The following SPON1 variants were observed in gnomAD, a reference collection of about 807,000 sequenced individuals.
The protein encoded by SPON1 is spondin 1, also known as spondin-1.
Under a neutral mutation model 111.7 loss-of-function variants are expected in SPON1, and 52 were observed. The ratio of observed to expected loss-of-function variants is 0.47; its 90% CI spans 0.37 to 0.59. The LOEUF (loss-of-function observed/expected upper bound fraction) is 0.59. Among genes scored for constraint, SPON1 ranks in the 20% least tolerant of loss-of-function variants. SPON1 has a pLI of 0.00. For synonymous variants in SPON1, 410 were observed against 395.8 expected (o/e 1.04, Z -0.43); for missense variants, 957 against 1,068.5 (o/e 0.90, Z 1.46).
intron 2 of SPON1, among the ~76,000 whole-genome samples, chr11:14,039,143 G>A (rs1848615018): frequency 6.6e-6 from 1 of 152,156 alleles, no homozygotes; most frequent in Non-Finnish European, 1.5e-5. Context: ...TCAGGAAAAG[G>A]CAAAACTGTG....
intron 14 of SPON1, 79 bp downstream of exon 14, chr11:14,260,831 C>T (rs1849163420): frequency 2.8e-6 from 4 of 1,429,762 alleles, no homozygotes; most frequent in South Asian, 2.7e-5. Flanking sequence ...AGTGCTAATA[C>T]TGCTAGATCC....
chr11:14,109,547 G>T (rs1464336773), intron 5 of SPON1, among the ~76,000 whole-genome samples: 1 of 152,058 alleles, frequency 6.6e-6, no homozygotes. Context: ...TGCACATTTT[G>T]TGCACAGAGT....
intron 6 of SPON1, among the ~76,000 whole-genome samples, chr11:14,154,449 G>C (rs1554930180): frequency 6.6e-6 from 1 of 152,184 alleles, no homozygotes; most frequent in African/African-American, 2.4e-5. Context: ...ACATATCTTG[G>C]CCCCGCTTAG....
chr11:14,119,920 T>C (rs1032701844), intron 5 of SPON1, among the ~76,000 whole-genome samples: 34 of 152,190 alleles, frequency 2.2e-4, no homozygotes, highest in African/African-American at 7.7e-4. Flanking sequence ...AAATAAAATT[T>C]AAAATTTATC....
chr11:13,964,952 A>G (rs1554907900), intron 1 of SPON1, among the ~76,000 whole-genome samples: 2 of 150,120 alleles, frequency 1.3e-5, no homozygotes, highest in African/African-American at 4.9e-5. Flanking sequence ...TGTGCAAGTC[A>G]TTTAATTTCT....
chr11:14,057,589 A>G (rs915738615), intron 3 of SPON1, among the ~76,000 whole-genome samples: 2 of 152,206 alleles, frequency 1.3e-5, no homozygotes, highest in Non-Finnish European at 2.9e-5. Context: ...CAAAAAAAGT[A>G]CTTGAGCTGA....
intron 6 of SPON1, among the ~76,000 whole-genome samples, chr11:14,215,749 G>A (rs1200799988): frequency 2.0e-5 from 3 of 152,162 alleles, no homozygotes; most frequent in African/African-American, 2.4e-5. Context: ...AAAATATGCC[G>A]ACTTAAGATA....
At chr11:14,245,762 C>G (rs1374785317) in intron 7 of SPON1, among the ~76,000 whole-genome samples, 1 of 152,134 alleles carries the variant, frequency 6.6e-6, no homozygotes, top group African/African-American at 2.4e-5. Flanking sequence ...TCTGGATCCT[C>G]CCTAAGGAAG....
At chr11:13,970,479 G>C (rs1848054225) in intron 1 of SPON1, among the ~76,000 whole-genome samples, 1 of 152,208 alleles carries the variant, frequency 6.6e-6, no homozygotes, top group Admixed American at 6.5e-5. Flanking sequence ...AAACAGGGAA[G>C]AGTTCCAAGA....
intron 2 of SPON1, among the ~76,000 whole-genome samples, chr11:14,029,345 G>A (rs1214427392): frequency 1.3e-5 from 2 of 152,110 alleles, no homozygotes; most frequent in Non-Finnish European, 2.9e-5. Flanking sequence ...ACACGAGAAT[G>A]ATAATAATAA....
chr11:14,067,039 T>C (rs1848838140), intron 3 of SPON1, among the ~76,000 whole-genome samples: 1 of 152,090 alleles, frequency 6.6e-6, no homozygotes, highest in African/African-American at 2.4e-5. Flanking sequence ...CAGCCAAGCA[T>C]AGTGGCAGGC....
chr11:13,971,711 C>T (rs1591336295), intron 1 of SPON1, among the ~76,000 whole-genome samples: 2 of 152,130 alleles, frequency 1.3e-5, no homozygotes, highest in Admixed American at 1.3e-4. Context: ...CCAGCCCCAG[C>T]CTCCCACACA....
intron 6 of SPON1, among the ~76,000 whole-genome samples, chr11:14,180,419 T>A (rs1001217090): frequency 3.3e-5 from 5 of 152,222 alleles, no homozygotes; most frequent in Admixed American, 1.3e-4. Context: ...CGCAGATATT[T>A]CATGCTCTTT....
Position 13,982,903 on chromosome 11 carries a change from A to C in SPON1, c.295A>C (p.Arg99=). Residue 99 remains arginine, a synonymous_variant, in exon 2 of 16, where the codon AGA becomes CGA. Coordinates refer to ENST00000576479, the MANE Select transcript of SPON1 (RefSeq NM_006108.4). ...YFRGFTLIAL[R]ENREGDKEED... is the part of the protein sequence containing the mutation. ...CAGAGGATTCACATTAATTGCCCTC[A>C]GAGAGAACAGAGAGGGTGATAAGGA... 1.3e-6 allele frequency: 2 copies of C among 1,559,886 alleles called. No homozygotes were observed. The highest frequency in any genetic ancestry group is 2.4e-5 in the South Asian group (2 of 84,462).
intron 2 of SPON1, among the ~76,000 whole-genome samples, chr11:14,025,582 T>G (rs1848511588): frequency 6.6e-6 from 1 of 152,156 alleles, no homozygotes; most frequent in Non-Finnish European, 1.5e-5. Context: ...GGCATCACTA[T>G]TTTCACAAAC....
In SPON1 at chr11:13,994,877, T is replaced by C. The variant is rs150798432; in HGVS notation, c.345+11924T>C. 3.9e-4 allele frequency among the ~76,000 whole-genome samples: 60 copies of C among 152,340 alleles called. 1 individual carries two copies. In the East Asian group the frequency reaches 0.01, roughly 25 times the overall value. ...TTTTGATTTTCTTATGAGATTCTTA[T>C]GCCATTCTGAGAGAGCCCACAATAT... On this transcript the variant is annotated intron_variant, in intron 2 of 15. Transcript: ENST00000576479.
chr11:14,253,137 C>G (rs1361361373), intron 7 of SPON1, among the ~76,000 whole-genome samples: 2 of 152,158 alleles, frequency 1.3e-5, no homozygotes, highest in Non-Finnish European at 2.9e-5. Context: ...CCTTGTCAAT[C>G]GACGGATGCC....
intron 6 of SPON1, among the ~76,000 whole-genome samples, chr11:14,222,231 T>A (rs1848688157): frequency 6.6e-6 from 1 of 152,228 alleles, no homozygotes; most frequent in Admixed American, 6.5e-5. Context: ...TCTACCTCCA[T>A]TAACCAGGTC....
At chr11:14,003,763 A>T (rs1848337896) in intron 2 of SPON1, among the ~76,000 whole-genome samples, 1 of 152,188 alleles carries the variant, frequency 6.6e-6, no homozygotes, top group Non-Finnish European at 1.5e-5. Flanking sequence ...AAGTAGGTTA[A>T]CATCCATCAT....
Sources: gnomAD v4.1 joint callset for allele counts (sites outside exome capture counted in the v4.1 genomes callset) on GRCh38, gnomAD v4.1.1 for gene constraint, MANE v1.5 for transcripts, NCBI Gene and HGNC (gene_info 2026-07-23, HGNC 2026-07-21) for gene names.